The following C8orf58 variants were observed in gnomAD, a reference collection of about 807,000 sequenced individuals.
C8orf58 encodes uncharacterized protein C8orf58.
C8orf58 carries 31 observed loss-of-function variants against 36.8 expected under a neutral mutation model. The observed-to-expected ratio is 0.84, with a 90% CI of 0.63 to 1.14. C8orf58 has a LOEUF of 1.14. Ranked by LOEUF, C8orf58 falls within the 50% of genes most tolerant of loss-of-function variation. C8orf58 has a pLI of 0.00. For synonymous variants in C8orf58, 230 were observed against 200.2 expected (o/e 1.15, Z -1.26); for missense variants, 538 against 480.8 (o/e 1.12, Z -1.11).
chr8:22,602,243 C>T lies in C8orf58; in HGVS notation c.810C>T (p.Ala270=). 3.1e-6 allele frequency: 5 copies of T among 1,607,878 alleles called. No homozygotes were observed. The highest frequency in any genetic ancestry group is 4.2e-6 in the Non-Finnish European group (5 of 1,178,152). The stretch of plus-strand genomic sequence containing the variant: ...CCCCAAAGGTGGAGGTGCCCAGTGC[C>T]AACCCTCCCAGGCTGCCAGAAACCC... ...ASPPKVEVPS[A]NPPRLPETPV... is the part of the protein sequence containing the mutation. The change falls in exon 5 of 7, where the codon GCC becomes GCT. Residue 270 remains alanine, a synonymous_variant. Coordinates refer to ENST00000289989, the MANE Select transcript of C8orf58 (RefSeq NM_001013842.3).
In C8orf58 at chr8:22,601,415, G is replaced by A. The variant is rs1586938535; in HGVS notation, c.516+58G>A. On this transcript the variant is annotated intron_variant, in intron 2 of 6. Transcript: ENST00000289989. ...TGGGATGGACAGCCTAGCTCCTCTG[G>A]TTCTCCCTGGAGCTCTCTCTGGGTG... 8.9e-6 allele frequency: 12 copies of A among 1,351,738 alleles called. No homozygotes were observed. In the East Asian group the frequency reaches 3.0e-4, roughly 34 times the overall value. The allele number at this position is 1,351,738 out of a possible 1,614,324, so 83.7% of individuals were successfully genotyped here. A position where few individuals can be genotyped will look rare whatever the true frequency, so the allele number is the denominator to read the frequency against.
At chr8:22,601,396 G>A in intron 2 of C8orf58, 39 bp downstream of exon 2, 2 of 1,451,960 alleles carry the variant, frequency 1.4e-6, no homozygotes, top group Non-Finnish European at 1.9e-6. Flanking sequence ...AGAGTGGGAT[G>A]GACAGCCTAG....
chr8:22,599,632 G>C lies in C8orf58; in HGVS notation c.-89G>C, dbSNP rs1178753842. ...GGGCCGCGCCCAGCTGGGTCGGGAC[G>C]CGCTCCCTGAGCTGCCCGAGCTCCG... On this transcript the variant is annotated 5_prime_UTR_variant, in exon 1 of 7. Coordinates refer to ENST00000289989, the MANE Select transcript of C8orf58 (RefSeq NM_001013842.3). 9.4e-6 allele frequency: 6 copies of C among 636,360 alleles called. No individual in the cohort carries two copies. Among genetic ancestry groups the C allele is most frequent in the South Asian group, 7.9e-5 (1 of 12,640 alleles). The allele number at this position is 636,360 out of a possible 1,614,324, so 39.4% of individuals were successfully genotyped here.
intron 5 of C8orf58, 31 bp from the exon 6 acceptor site, chr8:22,602,506 G>C (rs764840983): frequency 6.3e-7 from 1 of 1,575,884 alleles, no homozygotes; most frequent in East Asian, 2.2e-5. Flanking sequence ...GTGTGGGGAG[G>C]GCTCTGGGTG....
At chr8:22,599,804 G>T (rs1563888851) in intron 1 of C8orf58, 44 bp downstream of exon 1, 2 of 1,025,706 alleles carry the variant, frequency 1.9e-6, no homozygotes, top group South Asian at 9.8e-5. Context: ...CCCCTGCCCC[G>T]GAGCCGCTTC....
In C8orf58 at chr8:22,601,328, G is replaced by A; in HGVS notation, c.487G>A (p.Asp163Asn). The change falls in exon 2 of 7, where the codon GAC becomes AAC. Residue 163 changes from aspartate to asparagine, a missense_variant. Asp to Asn is a conservative substitution (Grantham distance 23, BLOSUM62 1). Coordinates refer to ENST00000289989, the MANE Select transcript of C8orf58 (RefSeq NM_001013842.3). ...GQQESMEADT[D>N]LEAGLEEEAV... Reference sequence around the variant, plus strand: ...ACAGGAGTCCATGGAGGCAGACACAGACCTAGAGGCAGGCCTGGAAGAAGA... The same window carrying A: ...ACAGGAGTCCATGGAGGCAGACACAAACCTAGAGGCAGGCCTGGAAGAAGA... 1 of 1,592,886 alleles carries A rather than the reference G, an allele frequency of 6.3e-7. No individual in the cohort carries two copies. Among genetic ancestry groups the A allele is most frequent in the South Asian group, 1.1e-5 (1 of 89,896 alleles).
Position 22,603,664 on chromosome 8 carries a change from CTG to C in C8orf58, c.*363_*364del, listed in dbSNP as rs1165631700. 3 of 359,764 alleles carry C rather than the reference CTG, an allele frequency of 8.3e-6. No individual in the cohort carries two copies. Among genetic ancestry groups the C allele is most frequent in the African/African-American group, 6.3e-5 (3 of 47,440 alleles). The allele number at this position is 359,764 out of a possible 1,614,324, so 22.3% of individuals were successfully genotyped here. A position where few individuals can be genotyped will look rare whatever the true frequency, so the allele number is the denominator to read the frequency against. ...TTTATGCGCAATGGTATGCATATCT[CTG>C]TGTGACTGTCAGTGTTGCAAGCTGG... On this transcript the variant is annotated 3_prime_UTR_variant, in exon 7 of 7. Transcript: ENST00000289989.
At position 22,601,713 on chromosome 8, in the gene C8orf58, T is replaced by TC; in HGVS notation, c.518_519insC (p.Leu176ProfsTer143). The TC allele has an allele frequency of 6.2e-7, 1 of 1,606,116 alleles. No individual in the cohort carries two copies. Among genetic ancestry groups the TC allele is most frequent in the Non-Finnish European group, 8.5e-7 (1 of 1,176,908 alleles). ...CCCCTATCTCACAATGTCCCACAGG[T>TC]GGGGGGCCTGGGGCCTGGAGCCTGG... On this transcript the variant is annotated frameshift_variant and splice_region_variant, in exon 3 of 7. Transcript: ENST00000289989. LOFTEE classifies it high-confidence loss of function.
chr8:22,601,851 G>C lies in C8orf58; in HGVS notation c.656G>C (p.Gly219Ala). Residue 219 changes from glycine (G) to alanine (A), a missense_variant and splice_region_variant, in exon 3 of 7, where the codon GGG (glycine) becomes GCG (alanine). Transcript: ENST00000289989. ...CAGCTGCGGATCCAGAGGCCCCCAG[G>C]GGTGAGTGAGATTCGAGTGGGGGAG... ...YLQLRIQRPP[G>A]DPGEEESTRA... is the part of the protein sequence containing the mutation. 6.2e-7 allele frequency: 1 copy of C among 1,602,792 alleles called. No homozygotes were observed. Among genetic ancestry groups the C allele is most frequent in the African/African-American group, 1.3e-5 (1 of 74,600 alleles).
chr8:22,602,957 A>T, intron 6 of C8orf58: 1 of 591,620 alleles, frequency 1.7e-6, no homozygotes, highest in South Asian at 2.1e-5. Flanking sequence ...GCCACCTTCC[A>T]GGTTCGTGGG....
rs1483901577 is a variant in C8orf58, at chr8:22,601,959, C to G, written c.658-13C>G. ...CTAGCCAGGCCCTGATCACCTGTCTCTCCTGTGCATAGGATCCCGGCGAGG... is the reference window on the plus strand; with the variant it reads ...CTAGCCAGGCCCTGATCACCTGTCTGTCCTGTGCATAGGATCCCGGCGAGG... On this transcript the variant is annotated splice_polypyrimidine_tract_variant and intron_variant, in intron 3 of 6. Transcript: ENST00000289989. 1 of 1,550,074 alleles carries G rather than the reference C, an allele frequency of 6.5e-7. No homozygotes were observed. Among genetic ancestry groups the G allele is most frequent in the African/African-American group, 1.4e-5 (1 of 73,340 alleles).
rs759014866 is a variant in C8orf58, at chr8:22,601,356, C to T, written c.515C>T (p.Ala172Val). 3.8e-6 allele frequency: 6 copies of T among 1,563,942 alleles called. No individual in the cohort carries two copies. The highest frequency in any genetic ancestry group is 1.8e-5 in the Admixed American group (1 of 55,946). Residue 172 changes from alanine to valine, a missense_variant and splice_region_variant, in exon 2 of 7, where the codon GCG (alanine) becomes GTG (valine). Coordinates refer to ENST00000289989, the MANE Select transcript of C8orf58 (RefSeq NM_001013842.3). ...TDLEAGLEEE[A>V]VGGLGPGAWA... Reference sequence around the variant, plus strand: ...CTAGAGGCAGGCCTGGAAGAAGAGGCGGTGAGTGCTCACTCTCAGGCTGGG... The same window carrying T: ...CTAGAGGCAGGCCTGGAAGAAGAGGTGGTGAGTGCTCACTCTCAGGCTGGG...
chr8:22,603,119 C>T, intron 6 of C8orf58, 76 bp from the exon 7 acceptor site: 1 of 1,145,548 alleles, frequency 8.7e-7, no homozygotes, highest in Non-Finnish European at 1.3e-6. Flanking sequence ...GCAGATAAAC[C>T]ACGTTCTCTC....
At chr8:22,601,599 T>C in intron 2 of C8orf58, 113 bp from the exon 3 acceptor site, 1 of 1,315,650 alleles carries the variant, frequency 7.6e-7, no homozygotes. Context: ...CTGCGTGTGT[T>C]CCTCCTCGGG....
intron 1 of C8orf58, 27 bp downstream of exon 1, chr8:22,599,787 G>C (rs1800797432): frequency 8.5e-7 from 1 of 1,177,006 alleles, no homozygotes. Flanking sequence ...CAGGCTGGCC[G>C]GGCTCCCCCC....
At chr8:22,601,623 C>T (rs1466541655) in intron 2 of C8orf58, 89 bp from the exon 3 acceptor site, 19 of 1,443,550 alleles carry the variant, frequency 1.3e-5, no homozygotes, top group South Asian at 2.7e-5. Context: ...CACTCTGCTC[C>T]CATCTGCTGG....
chr8:22,603,480 T>C lies in C8orf58; in HGVS notation c.*174T>C. 1.5e-6 allele frequency: 1 copy of C among 665,902 alleles called. No individual in the cohort carries two copies. Among genetic ancestry groups the C allele is most frequent in the East Asian group, 2.8e-5 (1 of 36,160 alleles). The allele number at this position is 665,902 out of a possible 1,614,324, so 41.2% of individuals were successfully genotyped here. A position where few individuals can be genotyped will look rare whatever the true frequency, so the allele number is the denominator to read the frequency against. ...CTCTAAGCAGTCTGGTCAGGAACCT[T>C]GGTTTCTTGAGAGGCCCCCAAGATG... is the stretch of plus-strand genomic sequence containing the variant. On this transcript the variant is annotated 3_prime_UTR_variant, in exon 7 of 7. Coordinates refer to ENST00000289989, the MANE Select transcript of C8orf58 (RefSeq NM_001013842.3).
chr8:22,601,455 C>T (rs1800854869), intron 2 of C8orf58, 98 bp downstream of exon 2: 1 of 1,060,466 alleles, frequency 9.4e-7, no homozygotes, highest in South Asian at 1.7e-5. Context: ...ACTCCCTGCC[C>T]CTAATTGATG....
At chr8:22,602,867 T>C in intron 6 of C8orf58, 1 of 577,146 alleles carries the variant, frequency 1.7e-6, no homozygotes. Flanking sequence ...GCACGGTGAG[T>C]CAGTGACAGC....
Sources: allele counts gnomAD v4.1 joint callset, GRCh38; gene constraint gnomAD v4.1.1; transcripts MANE v1.5; gene names NCBI Gene and HGNC (gene_info 2026-07-23, HGNC 2026-07-21).